CDH7: variants seen among roughly 807,000 people sequenced by gnomAD.
CDH7 encodes the protein cadherin-7.
A neutral mutation model predicts 71.8 loss-of-function variants in CDH7; 25 were observed. The ratio of observed to expected loss-of-function variants is 0.35; its 90% CI spans 0.25 to 0.49. The LOEUF is 0.49. Among genes scored for constraint, CDH7 ranks in the 20% least tolerant of loss-of-function variants. The pLI is 0.99. For synonymous variants in CDH7, 381 were observed against 363.8 expected (o/e 1.05, Z -0.54); for missense variants, 862 against 974.6 (o/e 0.88, Z 1.54).
chr18:65,767,984 C>G (rs1014646949), intron 2 of CDH7, among the ~76,000 whole-genome samples: 1 of 152,126 alleles, frequency 6.6e-6, no homozygotes, highest in African/African-American at 2.4e-5. Context: ...TTACCAAAGG[C>G]TTTAGCTATA....
At chr18:65,775,337 G>A (rs1196710360) in intron 2 of CDH7, among the ~76,000 whole-genome samples, 3 of 152,088 alleles carry the variant, frequency 2.0e-5, no homozygotes, top group Non-Finnish European at 4.4e-5. Context: ...TGTAAAATGG[G>A]TTTAACAATA....
chr18:65,822,379 C>A, intron 5 of CDH7, 131 bp downstream of exon 5: 1 of 677,718 alleles, frequency 1.5e-6, no homozygotes, highest in Non-Finnish European at 2.4e-6. Flanking sequence ...CTCAAATTTG[C>A]ATTTTATTAG....
chr18:65,810,489 G>C (rs1018712075), intron 3 of CDH7, among the ~76,000 whole-genome samples: 13 of 152,154 alleles, frequency 8.5e-5, no homozygotes, highest in Non-Finnish European at 1.6e-4. Flanking sequence ...TGGATTGGCT[G>C]TTCTGTTTAA....
rs150034539 is a variant in CDH7, at chr18:65,843,991, G to C, written c.1161G>C (p.Ser387=). The change falls in exon 7 of 12, where the codon TCG becomes TCC. Residue 387 remains serine (S), a synonymous_variant. Transcript: ENST00000397968. ...CACCCTTGTACCCTATGGAGGTGTC[G>C]GAAGCTACCCAGGTTGGGAATATCA... is the stretch of plus-strand genomic sequence containing the variant. The part of the protein sequence containing the change: ...FSSPLYPMEV[S]EATQVGNIIG... The C allele has an allele frequency of 6.2e-7, 1 of 1,612,684 alleles. No individual in the cohort carries two copies. Among genetic ancestry groups the C allele is most frequent in the African/African-American group, 1.3e-5 (1 of 74,622 alleles).
chr18:65,865,113 A>G (rs1052532207), intron 11 of CDH7: 7 of 152,078 alleles, frequency 4.6e-5, no homozygotes, highest in Admixed American at 4.6e-4. Context: ...TGATTATTTT[A>G]AGGCTGTCTG....
chr18:65,883,077 T>C lies in CDH7; in HGVS notation c.*2183T>C, dbSNP rs1431810985. On this transcript the variant is annotated 3_prime_UTR_variant, in exon 12 of 12. Coordinates refer to ENST00000397968, the MANE Select transcript of CDH7 (RefSeq NM_004361.5). ...CTTTTAAAATGTGTGTTTTTTCTCA[T>C]TAATTTTTTCAAATGGTTACCAATG... 1 of 152,084 alleles carries C rather than the reference T, an allele frequency of 6.6e-6. No homozygotes were observed. 9.4% of individuals were successfully genotyped at this position (152,084 alleles called of 1,614,324 possible).
intron 3 of CDH7, among the ~76,000 whole-genome samples, chr18:65,813,206 C>A (rs372621937): frequency 6.6e-6 from 1 of 152,176 alleles, no homozygotes; most frequent in African/African-American, 2.4e-5. Flanking sequence ...GTGGCGCATG[C>A]CTGTAATCCC....
chr18:65,848,836 A>C (rs963285112), intron 7 of CDH7, among the ~76,000 whole-genome samples: 1 of 88,548 alleles, frequency 1.1e-5, no homozygotes, highest in African/African-American at 2.9e-5. Flanking sequence ...GATAATATTT[A>C]CCCGTGGGCT....
At chr18:65,873,879 T>G (rs2144059853) in intron 11 of CDH7, among the ~76,000 whole-genome samples, 1 of 152,334 alleles carries the variant, frequency 6.6e-6, no homozygotes, top group South Asian at 2.1e-4. Context: ...TAGCATATTT[T>G]ATATTGCTTT....
chr18:65,795,182 A>G (rs2143867614), intron 2 of CDH7, among the ~76,000 whole-genome samples: 1 of 152,314 alleles, frequency 6.6e-6, no homozygotes, highest in Non-Finnish European at 1.5e-5. Context: ...TGAAGTTCAG[A>G]GTCAGCTCAT....
intron 11 of CDH7, among the ~76,000 whole-genome samples, chr18:65,872,604 A>T (rs376891513): frequency 2.0e-5 from 3 of 152,156 alleles, no homozygotes; most frequent in African/African-American, 7.2e-5. Context: ...TCAATATTAA[A>T]AGGAAATTAA....
chr18:65,870,732 CAGG>C (rs2144054174), intron 11 of CDH7, among the ~76,000 whole-genome samples: 1 of 152,314 alleles, frequency 6.6e-6, no homozygotes, highest in East Asian at 1.9e-4. Context: ...GTTATCTCCT[CAGG>C]AGGAGTGTCC....
chr18:65,842,171 T>A (rs1912756794), intron 6 of CDH7, among the ~76,000 whole-genome samples: 1 of 152,116 alleles, frequency 6.6e-6, no homozygotes, highest in Admixed American at 6.6e-5. Context: ...ATCTGTGTTC[T>A]AATTTTTTTG....
In CDH7 at chr18:65,882,478, A is replaced by G. The variant is rs773050441; in HGVS notation, c.*1584A>G. On this transcript the variant is annotated 3_prime_UTR_variant, in exon 12 of 12. Coordinates refer to ENST00000397968, the MANE Select transcript of CDH7 (RefSeq NM_004361.5). ...ATCATGTTCTAAAAGTGCTTTTTGA[A>G]AGGTAGACAGTGGAATTAGAATATT... 2.0e-5 allele frequency: 3 copies of G among 152,138 alleles called. No homozygotes were observed. Among genetic ancestry groups the G allele is most frequent in the Non-Finnish European group, 2.9e-5 (2 of 67,974 alleles). The allele number at this position is 152,138 out of a possible 1,614,324, so 9.4% of individuals were successfully genotyped here.
In CDH7 at chr18:65,824,746, A is replaced by G; in HGVS notation, c.896A>G (p.Tyr299Cys). 1.9e-6 allele frequency: 3 copies of G among 1,612,798 alleles called. No homozygotes were observed. ...ATTGGAGCTAATGCTGAAATGGAGT[A>G]CAAGATTGTGGATGGTGATGGTTTG... is the stretch of plus-strand genomic sequence containing the variant. Reference protein sequence around the residue: ...ADIGANAEMEYKIVDGDGLGI... With the variant: ...ADIGANAEMECKIVDGDGLGI... The change falls in exon 6 of 12, where the codon TAC (tyrosine) becomes TGC (cysteine). Residue 299 changes from tyrosine to cysteine, a missense_variant. Coordinates refer to ENST00000397968, the MANE Select transcript of CDH7 (RefSeq NM_004361.5).
chr18:65,879,009 TTGA>T (rs1405014109), intron 11 of CDH7, among the ~76,000 whole-genome samples: 2 of 152,206 alleles, frequency 1.3e-5, no homozygotes, highest in Non-Finnish European at 2.9e-5. Flanking sequence ...CACATTCCTG[TTGA>T]TGATAACACA....
At chr18:65,796,169 T>A (rs928496187) in intron 2 of CDH7, among the ~76,000 whole-genome samples, 1 of 152,206 alleles carries the variant, frequency 6.6e-6, no homozygotes, top group African/African-American at 2.4e-5. Flanking sequence ...AAATTTAGTT[T>A]CTTCTGTTGA....
rs531415520 is a variant in CDH7, at chr18:65,789,675, G to C, written c.211-20029G>C. ...AAAATGGTCATGGATGAATTTAAAA[G>C]GATCAGATAAATAACAATTATTTGG... On this transcript the variant is annotated intron_variant, in intron 2 of 11. Transcript: ENST00000397968. 2.0e-5 allele frequency among the ~76,000 whole-genome samples: 3 copies of C among 152,128 alleles called. No individual in the cohort carries two copies. In the East Asian group the frequency reaches 5.8e-4, roughly 29 times the overall value.
At position 65,831,593 on chromosome 18, in the gene CDH7, G is replaced by C. The variant is rs1211018249; in HGVS notation, c.981+6762G>C. Among the ~76,000 whole-genome samples, 7 of 152,028 alleles carry C rather than the reference G, an allele frequency of 4.6e-5. No homozygotes were observed. In the East Asian group the frequency reaches 1.4e-3, roughly 29 times the overall value. ...TAACAAAACAGGATTTTGATTTTCA[G>C]TTCTACTTACCAAGATTTCAATAAA... is the stretch of plus-strand genomic sequence containing the variant. On this transcript the variant is annotated intron_variant, in intron 6 of 11. Coordinates refer to ENST00000397968, the MANE Select transcript of CDH7 (RefSeq NM_004361.5).
Sources: gnomAD v4.1 joint callset for allele counts (sites outside exome capture counted in the v4.1 genomes callset) on GRCh38, gnomAD v4.1.1 for gene constraint, MANE v1.5 for transcripts, NCBI Gene and HGNC (gene_info 2026-07-23, HGNC 2026-07-21) for gene names.